SCN9A: variants seen among roughly 807,000 people sequenced by gnomAD.
SCN9A encodes the protein sodium channel protein type 9 subunit alpha.
A neutral mutation model predicts 187.0 loss-of-function variants in SCN9A; 131 were observed. That is an observed-to-expected ratio of 0.70 (90% confidence interval 0.61 to 0.81). The LOEUF is 0.81. Ranked by LOEUF, SCN9A falls within the 30% of genes least tolerant of loss-of-function variation. The probability of loss-of-function intolerance (pLI) is 0.00; values close to 1 mark genes in which losing one functional copy is unlikely to be tolerated. For missense variants in SCN9A, 2,252 were observed against 2,396.6 expected (o/e 0.94, Z 1.26); for synonymous variants, 809 against 808.6 (o/e 1.00, Z -0.01).
chr2:166,252,134 G>A (rs115485469), intron 17 of SCN9A, among the ~76,000 whole-genome samples: 101 of 151,874 alleles, frequency 6.7e-4, no homozygotes, highest in Non-Finnish European at 1.1e-3. Flanking sequence ...TAACAAGTAC[G>A]TGGCCAAAAT....
At chr2:166,236,524 G>A (rs1021973263) in intron 20 of SCN9A, among the ~76,000 whole-genome samples, 20 of 152,060 alleles carry the variant, frequency 1.3e-4, no homozygotes, top group African/African-American at 4.6e-4. Context: ...GGGTTCAAGC[G>A]ATTCTTCTGC....
At chr2:166,278,915 A>T (rs1202475909) in intron 14 of SCN9A, among the ~76,000 whole-genome samples, 1 of 152,222 alleles carries the variant, frequency 6.6e-6, no homozygotes, top group African/African-American at 2.4e-5. Context: ...GGCAACACCG[A>T]AATGAATCCT....
intron 20 of SCN9A, among the ~76,000 whole-genome samples, chr2:166,236,680 C>G (rs1362747687): frequency 3.3e-5 from 5 of 152,172 alleles, no homozygotes; most frequent in Non-Finnish European, 5.9e-5. Context: ...GCCTCGGACT[C>G]TCAAAGTGCT....
At chr2:166,339,554 C>T (rs561669214) in intron 1 of SCN9A, among the ~76,000 whole-genome samples, 2 of 152,152 alleles carry the variant, frequency 1.3e-5, no homozygotes, top group Admixed American at 1.3e-4. Context: ...CCTCTGTTAA[C>T]TATAATGAAT....
At chr2:166,206,854 C>A (rs192036685) in intron 24 of SCN9A, among the ~76,000 whole-genome samples, 158 of 152,226 alleles carry the variant, frequency 1.0e-3, no homozygotes, top group African/African-American at 3.8e-3. Context: ...AACATAAACA[C>A]TTTATTGGAT....
At chr2:166,312,443 T>G (rs1559035618) in intron 1 of SCN9A, among the ~76,000 whole-genome samples, 2 of 152,198 alleles carry the variant, frequency 1.3e-5, no homozygotes, top group Non-Finnish European at 2.9e-5. Context: ...ACTGAAGTCT[T>G]AAACCTCTCA....
intron 24 of SCN9A, among the ~76,000 whole-genome samples, chr2:166,208,275 T>C (rs1441507867): frequency 1.7e-4 from 26 of 152,162 alleles, no homozygotes; most frequent in Admixed American, 1.4e-3. Context: ...GTCCTTTCTT[T>C]TGTCCTTGGG....
At chr2:166,345,502 A>T (rs1024515062) in intron 1 of SCN9A, among the ~76,000 whole-genome samples, 4 of 151,428 alleles carry the variant, frequency 2.6e-5, no homozygotes, top group African/African-American at 4.9e-5. Flanking sequence ...CGTTGAGGTC[A>T]GTATGCTCTT....
intron 1 of SCN9A, among the ~76,000 whole-genome samples, chr2:166,333,901 C>A (rs1159158304): frequency 2.6e-5 from 4 of 152,006 alleles, no homozygotes; most frequent in African/African-American, 9.7e-5. Context: ...CTTAAAACAG[C>A]CTTGGCATAC....
intron 1 of SCN9A, among the ~76,000 whole-genome samples, chr2:166,356,716 C>T (rs1048413495): frequency 1.3e-5 from 2 of 152,092 alleles, no homozygotes; most frequent in Non-Finnish European, 2.9e-5. Context: ...GCAAATAATA[C>T]CCTATATAAA....
chr2:166,354,063 C>G (rs906547889), intron 1 of SCN9A, among the ~76,000 whole-genome samples: 3 of 152,106 alleles, frequency 2.0e-5, no homozygotes, highest in African/African-American at 7.2e-5. Flanking sequence ...ACAAAATTTT[C>G]TAAGATTTTT....
At position 166,288,434 on chromosome 2, in the gene SCN9A, T is replaced by C; in HGVS notation, c.1314+3A>G. ...GGAAGAATTTTAAATCAAATAACAG[T>C]ACCTCAGCTTCTTCTTGCTCTTTTT... On this transcript the variant is annotated splice_donor_region_variant and intron_variant, in intron 10 of 26. Coordinates refer to ENST00000642356, the MANE Select transcript of SCN9A (RefSeq NM_001365536.1). 6.2e-7 allele frequency: 1 copy of C among 1,604,246 alleles called. No individual in the cohort carries two copies. The highest frequency in any genetic ancestry group is 1.1e-5 in the South Asian group (1 of 90,070).
At chr2:166,345,242 C>T (rs1699872357) in intron 1 of SCN9A, among the ~76,000 whole-genome samples, 1 of 151,974 alleles carries the variant, frequency 6.6e-6, no homozygotes, top group South Asian at 2.1e-4. Flanking sequence ...TTCACAGAAT[C>T]TCTATTTTTA....
chr2:166,355,204 C>T (rs1700123865), intron 1 of SCN9A, among the ~76,000 whole-genome samples: 1 of 151,964 alleles, frequency 6.6e-6, no homozygotes, highest in Non-Finnish European at 1.5e-5. Flanking sequence ...CTTGGCAGCA[C>T]TGGGATAACA....
chr2:166,371,125 TG>T (rs1700550916), intron 1 of SCN9A, among the ~76,000 whole-genome samples: 1 of 152,254 alleles, frequency 6.6e-6, no homozygotes, highest in Admixed American at 6.5e-5. Flanking sequence ...TTTGGCTCCA[TG>T]TTATATCACT....
At chr2:166,264,461 C>A (rs1459408005) in intron 17 of SCN9A, among the ~76,000 whole-genome samples, 2 of 151,982 alleles carry the variant, frequency 1.3e-5, no homozygotes, top group African/African-American at 4.8e-5. Flanking sequence ...TTTCTTGATT[C>A]TGACACTGAC....
chr2:166,247,157 C>CAAAAAAAAAA (rs35833662), intron 18 of SCN9A, among the ~76,000 whole-genome samples: 4 of 41,778 alleles, frequency 9.6e-5, no homozygotes, highest in East Asian at 8.3e-4. Flanking sequence ...CCAAAGCTCT[C>CAAAAAAAAAA]AAAAAAAAAA....
rs202211795 is a variant in SCN9A, at chr2:166,286,371, G to A, written c.1567C>T (p.Arg523Ter). ...GTAGACAACCTCTTTTCATGTGCTC[G>A]CCTATGCCCTTCGACACCAAGGTGG... ...SFHLGVEGHR[R>*]AHEKRLSTPN... Residue 523 changes from arginine (R) to a stop codon, truncating the protein, a stop_gained, in exon 11 of 27, where the codon CGA (arginine) becomes TGA (stop). Transcript: ENST00000642356. LOFTEE classifies it high-confidence loss of function. The A allele has an allele frequency of 4.1e-5, 66 of 1,613,038 alleles. No individual in the cohort carries two copies. Among genetic ancestry groups the A allele is most frequent in the Non-Finnish European group, 5.4e-5 (64 of 1,179,672 alleles).
At chr2:166,333,528 T>C (rs1699557594) in intron 1 of SCN9A, among the ~76,000 whole-genome samples, 1 of 152,126 alleles carries the variant, frequency 6.6e-6, no homozygotes, top group African/African-American at 2.4e-5. Context: ...ATTGAACATG[T>C]TCAGTGTTAG....
Sources: gnomAD v4.1 joint callset for allele counts (sites outside exome capture counted in the v4.1 genomes callset) on GRCh38, gnomAD v4.1.1 for gene constraint, MANE v1.5 for transcripts, NCBI Gene and HGNC (gene_info 2026-07-23, HGNC 2026-07-21) for gene names.